UNC5D: variants seen among roughly 807,000 people sequenced by gnomAD.
UNC5D encodes the protein netrin receptor UNC5D.
A neutral mutation model predicts 105.4 loss-of-function variants in UNC5D; 39 were observed. The ratio of observed to expected loss-of-function variants is 0.37; its 90% CI spans 0.29 to 0.48. UNC5D has a LOEUF of 0.48. UNC5D is among the 20% of genes least tolerant of loss of function. UNC5D has a pLI of 0.98. For missense variants in UNC5D, 991 were observed against 1,202.4 expected (o/e 0.82, Z 2.60); for synonymous variants, 452 against 450.4 (o/e 1.00, Z -0.04).
intron 1 of UNC5D, among the ~76,000 whole-genome samples, chr8:35,377,855 G>A (rs1490018339): frequency 6.6e-6 from 1 of 152,100 alleles, no homozygotes; most frequent in African/African-American, 2.4e-5. Context: ...GTTTTCCTCT[G>A]GAGATAAGTC....
intron 1 of UNC5D, among the ~76,000 whole-genome samples, chr8:35,427,794 G>A (rs1301482167): frequency 2.6e-5 from 4 of 152,206 alleles, no homozygotes; most frequent in Middle Eastern, 3.4e-3. Flanking sequence ...TGTGAAATCA[G>A]TATGATCAAA....
chr8:35,391,155 G>C (rs186736113), intron 1 of UNC5D, among the ~76,000 whole-genome samples: 2 of 152,324 alleles, frequency 1.3e-5, no homozygotes, highest in Admixed American at 1.3e-4. Context: ...AAAGAAACTA[G>C]ACCTGGTTCT....
At chr8:35,741,473 C>G (rs543391573) in intron 11 of UNC5D, among the ~76,000 whole-genome samples, 5 of 152,242 alleles carry the variant, frequency 3.3e-5, no homozygotes, top group African/African-American at 9.6e-5. Flanking sequence ...ATCCACTGTT[C>G]TAACTGCTCC....
chr8:35,503,879 G>A (rs1315009960), intron 1 of UNC5D, among the ~76,000 whole-genome samples: 1 of 152,096 alleles, frequency 6.6e-6, no homozygotes, highest in African/African-American at 2.4e-5. Context: ...ATAGTTACCT[G>A]CTCAACATGC....
intron 14 of UNC5D, among the ~76,000 whole-genome samples, chr8:35,763,569 T>C (rs1219703290): frequency 6.6e-6 from 1 of 152,006 alleles, no homozygotes; most frequent in Non-Finnish European, 1.5e-5. Context: ...GAAGTCCAAG[T>C]GCTTGCATTA....
rs151294832 is a variant in UNC5D, at chr8:35,548,668, G to T, written c.104-624G>T. On this transcript the variant is annotated intron_variant, in intron 1 of 16. Coordinates refer to ENST00000404895, the MANE Select transcript of UNC5D (RefSeq NM_080872.4). Reference sequence around the variant, plus strand: ...CGATTTGTGTTCATTCTCACCAGCGGAAGGTTGCTGGGGGCAGAGGGTGGG... The same window carrying T: ...CGATTTGTGTTCATTCTCACCAGCGTAAGGTTGCTGGGGGCAGAGGGTGGG... Among the ~76,000 whole-genome samples the T allele has an allele frequency of 5.3e-5, 8 of 152,310 alleles. No individual in the cohort carries two copies. In the East Asian group the frequency reaches 1.5e-3, roughly 29 times the overall value.
chr8:35,618,401 T>A (rs1429698032), intron 4 of UNC5D, among the ~76,000 whole-genome samples: 1 of 152,204 alleles, frequency 6.6e-6, no homozygotes, highest in Non-Finnish European at 1.5e-5. Flanking sequence ...ATAGGCAATG[T>A]GAATTGGTGC....
intron 16 of UNC5D, among the ~76,000 whole-genome samples, chr8:35,777,080 C>G (rs1312616530): frequency 1.3e-5 from 2 of 152,190 alleles, no homozygotes; most frequent in East Asian, 1.9e-4. Context: ...ATGGTGAAAC[C>G]CTGTCTCTAC....
At chr8:35,789,893 A>ACACACACACAC (rs879701613) in intron 16 of UNC5D, among the ~76,000 whole-genome samples, 2 of 130,836 alleles carry the variant, frequency 1.5e-5, no homozygotes, top group African/African-American at 7.2e-5. Flanking sequence ...AGTCAAGAAG[A>ACACACACACAC]AAACACACAC....
intron 1 of UNC5D, among the ~76,000 whole-genome samples, chr8:35,315,545 C>T (rs1470522666): frequency 6.6e-6 from 1 of 152,186 alleles, no homozygotes; most frequent in Admixed American, 6.5e-5. Flanking sequence ...GGACACATCT[C>T]AGTTCTCAAT....
At chr8:35,235,931 G>A (rs1802426004) in intron 1 of UNC5D, 44 bp downstream of exon 1, 5 of 1,219,984 alleles carry the variant, frequency 4.1e-6, no homozygotes, top group Non-Finnish European at 5.1e-6. Context: ...AGGGCGCAGG[G>A]GCGCCAGCCT....
intron 1 of UNC5D, among the ~76,000 whole-genome samples, chr8:35,267,779 G>A (rs1194640053): frequency 6.6e-6 from 1 of 152,086 alleles, no homozygotes; most frequent in Non-Finnish European, 1.5e-5. Flanking sequence ...TTCTCTGGCT[G>A]TCCTAGGCAA....
intron 9 of UNC5D, chr8:35,724,150 C>A: frequency 6.9e-7 from 1 of 1,445,710 alleles, no homozygotes. Flanking sequence ...GGAGTGCTGA[C>A]TTGCCTACAC....
intron 8 of UNC5D, among the ~76,000 whole-genome samples, chr8:35,711,370 G>A (rs1827956208): frequency 6.6e-6 from 1 of 151,882 alleles, no homozygotes; most frequent in South Asian, 2.1e-4. Context: ...AATAAAGACG[G>A]GGTTTCACCA....
intron 1 of UNC5D, among the ~76,000 whole-genome samples, chr8:35,294,542 T>C (rs1439871412): frequency 6.6e-6 from 1 of 152,144 alleles, no homozygotes; most frequent in Non-Finnish European, 1.5e-5. Context: ...TTCTCTTGAA[T>C]CTTGAATCTA....
rs1293616273 is a variant in UNC5D at position 35,549,494 on chromosome 8, T to A, written c.306T>A (p.Thr102=). ...VHQNEHVSEE[T]LDESSGLKVR... The stretch of plus-strand genomic sequence containing the variant: ...AGAACGAGCACGTCTCTGAAGAGAC[T>A]CTGGACGAGAGCTCAGGTAGGAGCG... The change falls in exon 2 of 17, where the codon ACT becomes ACA. Residue 102 remains threonine (T), a synonymous_variant. Transcript: ENST00000404895. 3 of 1,611,784 alleles carry A rather than the reference T, an allele frequency of 1.9e-6. No homozygotes were observed. In the East Asian group the frequency reaches 6.7e-5, roughly 36 times the overall value.
At chr8:35,310,668 C>A (rs1808806759) in intron 1 of UNC5D, among the ~76,000 whole-genome samples, 1 of 151,948 alleles carries the variant, frequency 6.6e-6, no homozygotes, top group African/African-American at 2.4e-5. Context: ...AAGTAACCTA[C>A]AAAGCTCTGT....
chr8:35,589,097 C>T (rs988654843), intron 3 of UNC5D, among the ~76,000 whole-genome samples: 1 of 151,600 alleles, frequency 6.6e-6, no homozygotes, highest in African/African-American at 2.4e-5. Flanking sequence ...GGTGTACTTA[C>T]TTTGGAATTA....
At chr8:35,255,384 T>A (rs1356557810) in intron 1 of UNC5D, 2 of 152,206 alleles carry the variant, frequency 1.3e-5, no homozygotes, top group Non-Finnish European at 2.9e-5. Flanking sequence ...AGAAAAGTTA[T>A]GGAGTAGTAC....
Sources: gnomAD v4.1 joint callset for allele counts (sites outside exome capture counted in the v4.1 genomes callset) on GRCh38, gnomAD v4.1.1 for gene constraint, MANE v1.5 for transcripts, NCBI Gene and HGNC (gene_info 2026-07-23, HGNC 2026-07-21) for gene names.